Variants in NDST4 observed in about 807,000 individuals in gnomAD.
NDST4 encodes N-heparan sulfate sulfotransferase 4.
Under a neutral mutation model 100.8 loss-of-function variants are expected in NDST4, and 63 were observed. The ratio of observed to expected loss-of-function variants is 0.62; its 90% CI spans 0.51 to 0.77. NDST4 has a LOEUF of 0.77. Among genes scored for constraint, NDST4 ranks in the 30% least tolerant of loss-of-function variants. The pLI is 0.00. For synonymous variants in NDST4, 377 were observed against 361.8 expected (o/e 1.04, Z -0.48); for missense variants, 943 against 1,018.4 (o/e 0.93, Z 1.01).
intron 12 of NDST4, 63 bp downstream of exon 12, chr4:114,833,543 C>T (rs1452049207): frequency 2.9e-6 from 3 of 1,040,068 alleles, no homozygotes; most frequent in East Asian, 2.4e-5. Flanking sequence ...ATATACACAC[C>T]TACCAGTGAT....
At chr4:114,834,847 T>C (rs1363527296) in intron 11 of NDST4, among the ~76,000 whole-genome samples, 1 of 152,226 alleles carries the variant, frequency 6.6e-6, no homozygotes, top group African/African-American at 2.4e-5. Flanking sequence ...GGAAGGTGTA[T>C]GTGTCCAGTA....
chr4:115,091,390 T>A (rs1460019767), intron 1 of NDST4, among the ~76,000 whole-genome samples: 2 of 152,040 alleles, frequency 1.3e-5, no homozygotes, highest in African/African-American at 4.8e-5. Context: ...CAACATAAAA[T>A]GAACAATATG....
intron 10 of NDST4, 76 bp from the exon 11 acceptor site, chr4:114,839,624 C>A (rs1723384685): frequency 1.5e-6 from 2 of 1,318,872 alleles, no homozygotes; most frequent in South Asian, 1.4e-5. Context: ...TATGGGTGAG[C>A]ACATGCATGT....
At chr4:114,885,379 G>C (rs1445521763) in intron 6 of NDST4, among the ~76,000 whole-genome samples, 5 of 152,070 alleles carry the variant, frequency 3.3e-5, no homozygotes, top group Admixed American at 3.3e-4. Context: ...GGATCTCCTA[G>C]AACATTTGGA....
At chr4:114,871,588 CA>C (rs1458139028) in intron 6 of NDST4, among the ~76,000 whole-genome samples, 1 of 151,952 alleles carries the variant, frequency 6.6e-6, no homozygotes, top group African/African-American at 2.4e-5. Flanking sequence ...ATGGAAAGAG[CA>C]AGCAAAAATT....
intron 6 of NDST4, among the ~76,000 whole-genome samples, chr4:114,903,688 G>C (rs1025153890): frequency 2.6e-5 from 4 of 151,992 alleles, no homozygotes; most frequent in Non-Finnish European, 5.9e-5. Flanking sequence ...TTAGAATGGA[G>C]TTGCGACTGC....
At chr4:114,899,655 A>G (rs1448997050) in intron 6 of NDST4, among the ~76,000 whole-genome samples, 1 of 152,066 alleles carries the variant, frequency 6.6e-6, no homozygotes, top group African/African-American at 2.4e-5. Flanking sequence ...TCAGTTTTCC[A>G]ATGATGAGCC....
chr4:114,848,412 A>G, intron 8 of NDST4, 74 bp from the exon 9 acceptor site: 4 of 1,171,830 alleles, frequency 3.4e-6, no homozygotes, highest in Admixed American at 2.5e-5. Flanking sequence ...ATTTTTGCTC[A>G]AAAAGTAATA....
At chr4:114,922,656 A>G (rs767867406) in intron 6 of NDST4, among the ~76,000 whole-genome samples, 22 of 152,116 alleles carry the variant, frequency 1.4e-4, no homozygotes, top group South Asian at 2.1e-4. Context: ...CTTTCTTCTG[A>G]GGAGACAAGA....
At chr4:114,971,952 T>TTTA (rs1351064791) in intron 3 of NDST4, among the ~76,000 whole-genome samples, 1 of 152,078 alleles carries the variant, frequency 6.6e-6, no homozygotes, top group Non-Finnish European at 1.5e-5. Flanking sequence ...TTACAGGGTC[T>TTTA]TAGTGAAGAG....
At chr4:114,851,131 A>G (rs2126188342) in intron 8 of NDST4, among the ~76,000 whole-genome samples, 1 of 152,298 alleles carries the variant, frequency 6.6e-6, no homozygotes, top group East Asian at 1.9e-4. Flanking sequence ...CATGCACCAC[A>G]TTTAAGTCAC....
chr4:114,913,325 G>A (rs1321066889), intron 6 of NDST4, among the ~76,000 whole-genome samples: 1 of 151,558 alleles, frequency 6.6e-6, no homozygotes. Context: ...AGAAAACTTG[G>A]GACATGAAAA....
At chr4:114,924,503 T>G (rs1390532784) in intron 6 of NDST4, among the ~76,000 whole-genome samples, 1 of 151,298 alleles carries the variant, frequency 6.6e-6, no homozygotes, top group Non-Finnish European at 1.5e-5. Flanking sequence ...GGAAATAGAA[T>G]TTTCCACAAT....
At chr4:115,039,692 C>T (rs1329767271) in intron 2 of NDST4, among the ~76,000 whole-genome samples, 1 of 152,060 alleles carries the variant, frequency 6.6e-6, no homozygotes, top group Non-Finnish European at 1.5e-5. Flanking sequence ...GATCAATCTC[C>T]AGCTTATTGT....
At chr4:114,863,816 CAGA>C (rs1168624990) in intron 7 of NDST4, among the ~76,000 whole-genome samples, 1 of 152,142 alleles carries the variant, frequency 6.6e-6, no homozygotes, top group Non-Finnish European at 1.5e-5. Context: ...ACAAAGCAGG[CAGA>C]AGATTTCCTG....
intron 1 of NDST4, among the ~76,000 whole-genome samples, chr4:115,086,377 AT>A (rs1729410368): frequency 6.6e-6 from 1 of 152,036 alleles, no homozygotes; most frequent in Non-Finnish European, 1.5e-5. Flanking sequence ...CCAGTTTATA[AT>A]TTTCTGCAGA....
chr4:114,943,619 C>T (rs1490258391), intron 4 of NDST4, among the ~76,000 whole-genome samples: 4 of 151,950 alleles, frequency 2.6e-5, no homozygotes, highest in Non-Finnish European at 5.9e-5. Context: ...AGATTATTTC[C>T]GTTTTCACAT....
chr4:115,033,871 T>C (rs1028287227), intron 2 of NDST4, among the ~76,000 whole-genome samples: 3 of 152,170 alleles, frequency 2.0e-5, no homozygotes, highest in East Asian at 1.9e-4. Context: ...CTCAATATGC[T>C]AGCTGCAGAA....
intron 1 of NDST4, among the ~76,000 whole-genome samples, chr4:115,082,620 G>A (rs1184896666): frequency 5.3e-5 from 8 of 152,080 alleles, no homozygotes; most frequent in Non-Finnish European, 7.4e-5. Flanking sequence ...TTAATAAATG[G>A]CTACTGCTTG....
Sources: allele counts gnomAD v4.1 joint callset (sites outside exome capture counted in the v4.1 genomes callset), GRCh38; gene constraint gnomAD v4.1.1; transcripts MANE v1.5; gene names NCBI Gene and HGNC (gene_info 2026-07-23, HGNC 2026-07-21).